CAP2: variants seen among roughly 807,000 people sequenced by gnomAD.
The protein encoded by CAP2 is adenylyl cyclase-associated protein 2.
A neutral mutation model predicts 57.7 loss-of-function variants in CAP2; 24 were observed. The observed-to-expected ratio is 0.42, with a 90% CI of 0.30 to 0.58. The LOEUF (loss-of-function observed/expected upper bound fraction) is 0.58, where lower values mean the gene tolerates loss of function less well. Among genes scored for constraint, CAP2 ranks in the 20% least tolerant of loss-of-function variants. The probability of loss-of-function intolerance (pLI) is 0.22; values close to 1 mark genes in which losing one functional copy is unlikely to be tolerated. For synonymous variants in CAP2, 194 were observed against 207.2 expected, an observed-to-expected ratio of 0.94 and a Z score of 0.55; for missense variants, 501 against 590.3, an observed-to-expected ratio of 0.85 and a Z score of 1.57.
chr6:17,479,674 C>G (rs1344829741), intron 4 of CAP2, among the ~76,000 whole-genome samples: 1 of 145,552 alleles, frequency 6.9e-6, no homozygotes, highest in East Asian at 2.0e-4. Context: ...TGCAGTGGCA[C>G]GATCTCGGCT....
chr6:17,461,516 C>A (rs1372567351), intron 3 of CAP2, among the ~76,000 whole-genome samples: 1 of 151,952 alleles, frequency 6.6e-6, no homozygotes, highest in African/African-American at 2.4e-5. Flanking sequence ...CATGAGCCGC[C>A]ATGCCTTGCC....
chr6:17,418,420 C>T (rs1759342714), intron 1 of CAP2, among the ~76,000 whole-genome samples: 1 of 151,946 alleles, frequency 6.6e-6, no homozygotes, highest in Admixed American at 6.6e-5. Flanking sequence ...AGTCGCTTTT[C>T]GACTGCATTC....
At chr6:17,393,802 CG>C in intron 1 of CAP2, 56 bp downstream of exon 1, 1 of 148,982 alleles carries the variant, frequency 6.7e-6, no homozygotes, top group South Asian at 2.0e-4. Flanking sequence ...GGTGCAGGTG[CG>C]GGGGGCGCCT....
chr6:17,481,269 A>G (rs1761281043), intron 4 of CAP2, among the ~76,000 whole-genome samples: 1 of 151,668 alleles, frequency 6.6e-6, no homozygotes. Context: ...TTTTCTTTTA[A>G]TTTCTGTGGT....
chr6:17,478,587 T>G (rs1761214627), intron 4 of CAP2, among the ~76,000 whole-genome samples: 1 of 152,180 alleles, frequency 6.6e-6, no homozygotes, highest in South Asian at 2.1e-4. Flanking sequence ...TGGATCCTTC[T>G]GTTTAGTCTA....
At chr6:17,519,859 A>T (rs1428393520) in intron 7 of CAP2, among the ~76,000 whole-genome samples, 1 of 152,216 alleles carries the variant, frequency 6.6e-6, no homozygotes, top group African/African-American at 2.4e-5. Context: ...CTGTTCAGAA[A>T]ATTCTGCTCA....
At chr6:17,442,124 C>T (rs575336077) in intron 3 of CAP2, among the ~76,000 whole-genome samples, 4 of 152,062 alleles carry the variant, frequency 2.6e-5, no homozygotes, top group Admixed American at 1.3e-4. Context: ...ATTCTTTGGT[C>T]GAGTAAGTCA....
rs146279286 is a variant in CAP2 at position 17,423,983 on chromosome 6, G to C, written c.121+2307G>C. Among the ~76,000 whole-genome samples the C allele has an allele frequency of 3.2e-4, 49 of 152,096 alleles. 1 individual carries two copies. The highest frequency in any genetic ancestry group is 1.1e-3 in the African/African-American group (47 of 41,486). On this transcript the variant is annotated intron_variant, in intron 2 of 12. Transcript: ENST00000229922. Reference sequence around the variant, plus strand: ...CATTTCTTCTTAATTAGTAAGTTTTGACAATTTTATAAATTCTATTTTTAA... The same window carrying C: ...CATTTCTTCTTAATTAGTAAGTTTTCACAATTTTATAAATTCTATTTTTAA...
At chr6:17,430,739 A>C (rs895722243) in intron 3 of CAP2, among the ~76,000 whole-genome samples, 1 of 152,090 alleles carries the variant, frequency 6.6e-6, no homozygotes, top group Non-Finnish European at 1.5e-5. Context: ...GGGTTTTACC[A>C]TGTTGGCCAG....
chr6:17,421,315 A>C (rs185474097), intron 1 of CAP2, among the ~76,000 whole-genome samples: 1 of 152,334 alleles, frequency 6.6e-6, no homozygotes, highest in Admixed American at 6.5e-5. Flanking sequence ...GGTGTATCCA[A>C]ACCTCAGAAA....
chr6:17,444,758 AG>A (rs1760202900), intron 3 of CAP2, among the ~76,000 whole-genome samples: 2 of 151,522 alleles, frequency 1.3e-5, no homozygotes, highest in Non-Finnish European at 2.9e-5. Flanking sequence ...AAAAATACGT[AG>A]ACTATTAGAT....
intron 4 of CAP2, among the ~76,000 whole-genome samples, chr6:17,486,270 T>C (rs557483324): frequency 6.6e-6 from 1 of 152,280 alleles, no homozygotes; most frequent in East Asian, 1.9e-4. Context: ...AGTTGATAAT[T>C]TAAGCTCAAG....
At position 17,541,050 on chromosome 6, in the gene CAP2, C is replaced by G; in HGVS notation, c.904C>G (p.Pro302Ala). 6.2e-7 allele frequency: 1 copy of G among 1,614,032 alleles called. No homozygotes were observed. Among genetic ancestry groups the G allele is most frequent in the Middle Eastern group, 1.6e-4 (1 of 6,062 alleles). ...LRAQGGQTQS[P>A]TKSHTPSPTS... The stretch of plus-strand genomic sequence containing the variant: ...GGCTCAAGGAGGGCAAACTCAATCT[C>G]CCACCAAAAGTCACACTCCAAGTCC... Residue 302 changes from proline to alanine, a missense_variant, in exon 9 of 13, where the codon CCC becomes GCC. Physicochemically the swap from Pro to Ala is conservative, Grantham distance 27. Coordinates refer to ENST00000229922, the MANE Select transcript of CAP2 (RefSeq NM_006366.3).
chr6:17,425,491 C>T (rs1441896883), intron 2 of CAP2, among the ~76,000 whole-genome samples: 1 of 152,128 alleles, frequency 6.6e-6, no homozygotes, highest in South Asian at 2.1e-4. Context: ...TCATTATTAC[C>T]TTCTGATTGT....
chr6:17,531,144 C>G, intron 7 of CAP2: 1 of 763,048 alleles, frequency 1.3e-6, no homozygotes, highest in Non-Finnish European at 2.4e-6. Flanking sequence ...CAAAGCAATT[C>G]GCTTCTTACT....
chr6:17,542,763 G>T, intron 9 of CAP2, 74 bp from the exon 10 acceptor site: 1 of 1,186,878 alleles, frequency 8.4e-7, no homozygotes, highest in South Asian at 1.3e-5. Flanking sequence ...TGCTGAGCTC[G>T]TACTAATTTC....
chr6:17,510,782 A>G (rs1762125820), intron 6 of CAP2, among the ~76,000 whole-genome samples: 1 of 152,120 alleles, frequency 6.6e-6, no homozygotes, highest in Admixed American at 6.5e-5. Flanking sequence ...ACAGACACAC[A>G]CCTACACATG....
rs1763327348 is a variant in CAP2, at chr6:17,556,949, A to G, written c.*507A>G. 1.3e-5 allele frequency: 2 copies of G among 153,724 alleles called. No individual in the cohort carries two copies. Among genetic ancestry groups the G allele is most frequent in the Non-Finnish European group, 2.9e-5 (2 of 69,898 alleles). 9.5% of individuals were successfully genotyped at this position (153,724 alleles called of 1,614,324 possible). A position where few individuals can be genotyped will look rare whatever the true frequency, so the allele number is the denominator to read the frequency against. Reference sequence around the variant, plus strand: ...CTTTATCAGCGTGGATACTGTCAGCATGAGTACATATTTCAACCCACGCTT... The same window carrying G: ...CTTTATCAGCGTGGATACTGTCAGCGTGAGTACATATTTCAACCCACGCTT... On this transcript the variant is annotated 3_prime_UTR_variant, in exon 13 of 13. Transcript: ENST00000229922.
intron 12 of CAP2, among the ~76,000 whole-genome samples, chr6:17,553,751 G>A (rs907683944): frequency 6.6e-6 from 1 of 152,174 alleles, no homozygotes; most frequent in African/African-American, 2.4e-5. Flanking sequence ...TGGGCATTAT[G>A]GTGTGGGAAT....
Sources: allele counts gnomAD v4.1 joint callset (sites outside exome capture counted in the v4.1 genomes callset), GRCh38; gene constraint gnomAD v4.1.1; transcripts MANE v1.5; gene names NCBI Gene and HGNC (gene_info 2026-07-23, HGNC 2026-07-21).